The following DSE variants were observed in gnomAD, a reference collection of about 807,000 sequenced individuals.
DSE encodes the protein dermatan-sulfate epimerase.
Under a neutral mutation model 84.4 loss-of-function variants are expected in DSE, and 36 were observed. The observed-to-expected ratio is 0.43, with a 90% confidence interval of 0.33 to 0.56. The LOEUF (loss-of-function observed/expected upper bound fraction) is 0.56. DSE is among the 20% of genes least tolerant of loss of function. The probability of loss-of-function intolerance (pLI) is 0.06; values close to 1 mark genes in which losing one functional copy is unlikely to be tolerated. For missense variants in DSE, 862 were observed against 1,169.6 expected (o/e 0.74, Z 3.84); for synonymous variants, 410 against 430.1 (o/e 0.95, Z 0.58).
At chr6:116,338,219 C>CT (rs893312210) in intron 2 of DSE, among the ~76,000 whole-genome samples, 23,759 of 91,444 alleles carry the variant, frequency 0.26, 3,494 homozygotes, top group Non-Finnish European at 0.29. Context: ...TTTCTTCTTT[C>CT]TTTTTTTTTT....
intron 2 of DSE, among the ~76,000 whole-genome samples, chr6:116,265,858 C>T (rs1483010143): frequency 6.6e-6 from 1 of 152,198 alleles, no homozygotes; most frequent in African/African-American, 2.4e-5. Context: ...TAGTTGTGCT[C>T]TGCTACAGAT....
chr6:116,305,219 TC>T (rs2114715374), intron 2 of DSE, among the ~76,000 whole-genome samples: 1 of 152,014 alleles, frequency 6.6e-6, no homozygotes, highest in East Asian at 1.9e-4. Flanking sequence ...TCTCCCATCC[TC>T]TCCCATCCCA....
At chr6:116,288,685 A>T (rs977523444) in intron 2 of DSE, among the ~76,000 whole-genome samples, 1 of 152,258 alleles carries the variant, frequency 6.6e-6, no homozygotes, top group East Asian at 1.9e-4. Context: ...CATCAGTCAC[A>T]CTAATTACAT....
intron 2 of DSE, among the ~76,000 whole-genome samples, chr6:116,338,225 T>C (rs1163881250): frequency 7.2e-6 from 1 of 139,554 alleles, no homozygotes; most frequent in African/African-American, 2.6e-5. Flanking sequence ...CTTTCTTTTT[T>C]TTTTTTTTTT....
At position 116,362,563 on chromosome 6, in the gene DSE, G is replaced by C. The variant is rs572446240; in HGVS notation, c.-53-36635G>C. Reference sequence around the variant, plus strand: ...GGCTACTGTCTGCAAGCAAGGAAGAGAACCCTCATCAGAAACAGAATTGGT... The same window carrying C: ...GGCTACTGTCTGCAAGCAAGGAAGACAACCCTCATCAGAAACAGAATTGGT... On this transcript the variant is annotated intron_variant, in intron 2 of 3. Coordinates refer to the DSE transcript ENST00000430252. 2.0e-5 allele frequency among the ~76,000 whole-genome samples: 3 copies of C among 152,332 alleles called. No homozygotes were observed. In the East Asian group the frequency reaches 5.8e-4, roughly 29 times the overall value.
At chr6:116,370,353 G>C (rs1021947316), upstream of DSE, 36 of 589,572 alleles carry the variant, frequency 6.1e-5, 1 homozygote, top group East Asian at 3.8e-3. Flanking sequence ...CAGTAAAAAA[G>C]AGAACTGCTT....
rs1390760529 is a variant in DSE, at chr6:116,443,541, C to T, written c.*6196C>T. 1.3e-5 allele frequency: 2 copies of T among 152,126 alleles called. No homozygotes were observed. Among genetic ancestry groups the T allele is most frequent in the East Asian group, 1.9e-4 (1 of 5,198 alleles). The allele number at this position is 152,126 out of a possible 1,614,324, so 9.4% of individuals were successfully genotyped here. A position where few individuals can be genotyped will look rare whatever the true frequency, so the allele number is the denominator to read the frequency against. ...GCAGGAGGGTCTCTTTTCCTCACTC[C>T]ATTTAATTTAAAAAAGAAATAGTTT... On this transcript the variant is annotated 3_prime_UTR_variant, in exon 6 of 6. Transcript: ENST00000644252.
In DSE at chr6:116,371,000, G is replaced by A. The variant is rs1430933303; in HGVS notation, c.-175G>A. The A allele has an allele frequency of 4.1e-6, 4 of 985,668 alleles. No individual in the cohort carries two copies. The highest frequency in any genetic ancestry group is 4.8e-6 in the Non-Finnish European group (4 of 830,192). 61.1% of individuals were successfully genotyped at this position (985,668 alleles called of 1,614,324 possible). ...CATCCCGGGGCATGGCGCGGCGGGGGCGCGGAGGGCTCGGTTCGGAGGGGG... is the reference window on the plus strand; with the variant it reads ...CATCCCGGGGCATGGCGCGGCGGGGACGCGGAGGGCTCGGTTCGGAGGGGG... On this transcript the variant is annotated 5_prime_UTR_variant, in exon 1 of 6. Transcript: ENST00000644252.
exon 2 of DSE, chr6:116,258,603 C>G: frequency 6.2e-7 from 1 of 1,612,250 alleles, no homozygotes; most frequent in Non-Finnish European, 8.5e-7. Context: ...CTGCCAGGCA[C>G]TCAGCAATGG....
intron 2 of DSE, among the ~76,000 whole-genome samples, chr6:116,261,317 T>C (rs960939466): frequency 2.0e-5 from 3 of 152,130 alleles, no homozygotes; most frequent in African/African-American, 7.2e-5. Context: ...AAGCTCTGCC[T>C]CCCAGGTTCA....
chr6:116,378,505 A>G (rs559534504), intron 1 of DSE, among the ~76,000 whole-genome samples: 100 of 152,326 alleles, frequency 6.6e-4, no homozygotes, highest in African/African-American at 2.4e-3. Flanking sequence ...TTGATCATAT[A>G]TAAGATCAAT....
intron 3 of DSE, among the ~76,000 whole-genome samples, chr6:116,430,634 CG>C (rs1295164646): frequency 6.6e-6 from 1 of 152,112 alleles, no homozygotes; most frequent in African/African-American, 2.4e-5. Flanking sequence ...CTCCACCTCC[CG>C]GGTTCACACC....
chr6:116,256,284 C>T (rs1191000066), intron 1 of DSE: 2 of 152,306 alleles, frequency 1.3e-5, no homozygotes, highest in East Asian at 3.9e-4. Flanking sequence ...AAACATCATA[C>T]AGTACATCTA....
chr6:116,269,139 C>A (rs181043486), intron 2 of DSE, among the ~76,000 whole-genome samples: 1 of 152,086 alleles, frequency 6.6e-6, no homozygotes. Flanking sequence ...TAAAGATGCA[C>A]CCTTTGAAAT....
chr6:116,355,336 C>CAAATT (rs1042022997), intron 2 of DSE, among the ~76,000 whole-genome samples: 1 of 152,204 alleles, frequency 6.6e-6, no homozygotes, highest in Non-Finnish European at 1.5e-5. Flanking sequence ...TCACATTCTT[C>CAAATT]TAATTTGAGC....
At position 116,436,267 on chromosome 6, in the gene DSE, A is replaced by G; in HGVS notation, c.1799A>G (p.Asp600Gly). 2.5e-6 allele frequency: 4 copies of G among 1,614,120 alleles called. No homozygotes were observed. The South Asian group carries it at 3.3e-5, about 13-fold the overall frequency. ...VDVPFEETVVDGVHGAFIRQR... is the reference protein window; with the variant it reads ...VDVPFEETVVGGVHGAFIRQR... ...GTTCCTTTTGAGGAGACTGTGGTAG[A>G]TGGTGTCCATGGGGCTTTCATCAGG... The change falls in exon 6 of 6, where the codon GAT becomes GGT. Residue 600 changes from aspartate (D) to glycine (G), a missense_variant. Asp to Gly is a moderately conservative substitution (Grantham distance 94, BLOSUM62 -1). This residue lies in a region of DSE where 186 missense variants were observed against 255.1 expected (regional missense o/e 0.73). Coordinates refer to ENST00000644252, the MANE Select transcript of DSE (RefSeq NM_013352.4).
At chr6:116,350,780 C>A (rs1192488762) in intron 2 of DSE, among the ~76,000 whole-genome samples, 1 of 152,096 alleles carries the variant, frequency 6.6e-6, no homozygotes, top group Admixed American at 6.6e-5. Context: ...ATTCACTAAA[C>A]GTGTACGGTA....
intron 1 of DSE, among the ~76,000 whole-genome samples, chr6:116,389,107 A>T (rs1321261131): frequency 6.6e-6 from 1 of 152,304 alleles, no homozygotes; most frequent in Middle Eastern, 3.4e-3. Context: ...ACTGACCTCG[A>T]TGTTCTCATT....
intron 2 of DSE, among the ~76,000 whole-genome samples, chr6:116,284,972 A>G (rs982088125): frequency 6.6e-5 from 10 of 152,118 alleles, no homozygotes; most frequent in Non-Finnish European, 8.8e-5. Context: ...TAATGCCGCA[A>G]TAAACATACA....
Sources: gnomAD v4.1 joint callset for allele counts (sites outside exome capture counted in the v4.1 genomes callset) on GRCh38, gnomAD v4.1.1 for gene constraint, gnomAD v4.1.1 regional missense constraint, MANE v1.5 for transcripts, NCBI Gene and HGNC (gene_info 2026-07-23, HGNC 2026-07-21) for gene names.